MPP4: variants seen among roughly 807,000 people sequenced by gnomAD.
MPP4 encodes MAGUK p55 subfamily member 4.
In MPP4, 91 loss-of-function variants were observed where a neutral mutation model predicts 98.3. The ratio of observed to expected loss-of-function variants is 0.93; its 90% CI spans 0.78 to 1.10. The LOEUF is 1.10. Among genes scored for constraint, MPP4 ranks in the 50% least tolerant of loss-of-function variants. The pLI is 0.00. For synonymous variants in MPP4, 261 were observed against 271.8 expected, an observed-to-expected ratio of 0.96 and a Z score of 0.39; for missense variants, 744 against 792.9, an observed-to-expected ratio of 0.94 and a Z score of 0.74.
chr2:201,687,983 A>G (rs887481290), intron 4 of MPP4, among the ~76,000 whole-genome samples: 1 of 152,242 alleles, frequency 6.6e-6, no homozygotes, highest in Non-Finnish European at 1.5e-5. Context: ...GACTTTAGTC[A>G]GCCCCATTAC....
intron 2 of MPP4, among the ~76,000 whole-genome samples, chr2:201,693,251 G>C: frequency 6.6e-6 from 1 of 152,180 alleles, no homozygotes; most frequent in Admixed American, 6.5e-5. Flanking sequence ...AAGATGAGAA[G>C]GTGCTAGCTT....
intron 16 of MPP4, among the ~76,000 whole-genome samples, chr2:201,658,067 C>T (rs1687911633): frequency 6.6e-6 from 1 of 151,842 alleles, no homozygotes; most frequent in Admixed American, 6.6e-5. Context: ...CCCCTGCCTC[C>T]CTATAGAAGG....
At chr2:201,683,351 T>G (rs933758512) in intron 7 of MPP4, among the ~76,000 whole-genome samples, 1 of 152,094 alleles carries the variant, frequency 6.6e-6, no homozygotes, top group African/African-American at 2.4e-5. Flanking sequence ...AGTTGTCAGA[T>G]AGTTGAGAGA....
intron 5 of MPP4, 110 bp from the exon 6 acceptor site, chr2:201,686,160 A>C: frequency 7.7e-7 from 1 of 1,304,836 alleles, no homozygotes; most frequent in Non-Finnish European, 1.1e-6. Flanking sequence ...AAACACCAAT[A>C]CAGACATGCC....
At chr2:201,685,036 ACT>A (rs1688780330) in intron 7 of MPP4, 26 bp downstream of exon 7, 1 of 1,593,902 alleles carries the variant, frequency 6.3e-7, no homozygotes, top group Admixed American at 1.7e-5. Context: ...TTTTCTGGTA[ACT>A]CTCAATCCCA....
At chr2:201,668,372 C>G (rs1205475643) in intron 12 of MPP4, among the ~76,000 whole-genome samples, 1 of 152,088 alleles carries the variant, frequency 6.6e-6, no homozygotes, top group African/African-American at 2.4e-5. Flanking sequence ...TGAGGTCATA[C>G]TGCTGGGGCC....
At chr2:201,660,569 A>G (rs1003141077) in intron 14 of MPP4, among the ~76,000 whole-genome samples, 1 of 152,272 alleles carries the variant, frequency 6.6e-6, no homozygotes. Flanking sequence ...ACTTTTTCTG[A>G]AAGTTGCCTA....
chr2:201,650,012 A>C, intron 19 of MPP4, 60 bp downstream of exon 19: 1 of 1,425,434 alleles, frequency 7.0e-7, no homozygotes, highest in Non-Finnish European at 9.5e-7. Context: ...AAAAATAGGG[A>C]ATCTATTTCA....
At chr2:201,684,849 C>G (rs1196883394) in intron 7 of MPP4, among the ~76,000 whole-genome samples, 1 of 150,176 alleles carries the variant, frequency 6.7e-6, no homozygotes, top group Non-Finnish European at 1.5e-5. Context: ...ACTTGGGAGG[C>G]TGAGGCAGGA....
At chr2:201,663,767 A>C (rs1465612633) in intron 14 of MPP4, among the ~76,000 whole-genome samples, 1 of 152,210 alleles carries the variant, frequency 6.6e-6, no homozygotes, top group Non-Finnish European at 1.5e-5. Flanking sequence ...CTGTAGTTCC[A>C]GCTGTTTGGA....
intron 1 of MPP4, chr2:201,698,024 A>T: frequency 4.1e-6 from 4 of 985,472 alleles, no homozygotes; most frequent in Non-Finnish European, 4.8e-6. Flanking sequence ...GAGACTGCAA[A>T]TAAGTAAGCA....
chr2:201,690,605 G>T (rs1688986426), intron 3 of MPP4, among the ~76,000 whole-genome samples: 1 of 152,266 alleles, frequency 6.6e-6, no homozygotes, highest in East Asian at 1.9e-4. Flanking sequence ...AACCAATGGG[G>T]ATTTGTAGAT....
intron 4 of MPP4, among the ~76,000 whole-genome samples, chr2:201,688,815 C>T (rs1471273902): frequency 6.6e-6 from 1 of 151,964 alleles, no homozygotes; most frequent in Non-Finnish European, 1.5e-5. Flanking sequence ...TGGGGTTTCG[C>T]TATGTTGGCC....
chr2:201,658,526 A>T lies in MPP4; in HGVS notation c.1088-8T>A, dbSNP rs773718653. On this transcript the variant is annotated splice_region_variant and splice_polypyrimidine_tract_variant and intron_variant, in intron 15 of 21. Coordinates refer to ENST00000409474, the MANE Select transcript of MPP4 (RefSeq NM_033066.3). ...CAACAAACTCCTCCTTGTCTGAAAC[A>T]CAAAGAACAGATGGAGCAGAATATG... 1 of 1,612,062 alleles carries T rather than the reference A, an allele frequency of 6.2e-7. No homozygotes were observed.
At chr2:201,663,828 G>A (rs989470827) in intron 14 of MPP4, among the ~76,000 whole-genome samples, 1 of 152,108 alleles carries the variant, frequency 6.6e-6, no homozygotes, top group Non-Finnish European at 1.5e-5. Context: ...GCTGCAATGA[G>A]CCATGATCAC....
intron 1 of MPP4, among the ~76,000 whole-genome samples, chr2:201,696,138 A>G (rs891962249): frequency 1.3e-5 from 2 of 152,152 alleles, no homozygotes; most frequent in African/African-American, 4.8e-5. Flanking sequence ...ACTTTCCCCT[A>G]CACATTCCTT....
intron 18 of MPP4, chr2:201,651,278 T>C (rs1687706448): frequency 2.0e-6 from 2 of 985,312 alleles, no homozygotes; most frequent in Non-Finnish European, 2.4e-6. Context: ...GCAAATGTCA[T>C]CTTGGGGTCA....
chr2:201,680,838 C>T lies in MPP4; in HGVS notation c.929G>A (p.Arg310Lys). 6.2e-7 allele frequency: 1 copy of T among 1,609,788 alleles called. No homozygotes were observed. The highest frequency in any genetic ancestry group is 1.1e-5 in the South Asian group (1 of 90,462). Residue 310 changes from arginine to lysine, a missense_variant and splice_region_variant, in exon 10 of 22, where the codon AGG (arginine) becomes AAG (lysine). Transcript: ENST00000409474. Reference sequence around the variant, plus strand: ...GTCCAGGAGTGGTGACGTTCCTTACCTCTTCAGAAGGTGGTTAGAAGGGAC... The same window carrying T: ...GTCCAGGAGTGGTGACGTTCCTTACTTCTTCAGAAGGTGGTTAGAAGGGAC... ...GLVPSNHLLK[R>K]KQREFWWSQP... is the part of the protein sequence containing the mutation.
chr2:201,688,683 G>T (rs942260531), intron 4 of MPP4, among the ~76,000 whole-genome samples: 1 of 151,406 alleles, frequency 6.6e-6, no homozygotes, highest in Non-Finnish European at 1.5e-5. Context: ...GTGTGATCTC[G>T]GCTCACTGCA....
Sources: gnomAD v4.1 joint callset for allele counts (sites outside exome capture counted in the v4.1 genomes callset) on GRCh38, gnomAD v4.1.1 for gene constraint, MANE v1.5 for transcripts, NCBI Gene and HGNC (gene_info 2026-07-23, HGNC 2026-07-21) for gene names.